GPC6: variants seen among roughly 807,000 people sequenced by gnomAD.
GPC6 encodes the protein glypican-6.
In GPC6, 14 loss-of-function variants were observed where a neutral mutation model predicts 55.2. The observed-to-expected ratio is 0.25, with a 90% CI of 0.17 to 0.40. The LOEUF (loss-of-function observed/expected upper bound fraction) is 0.40. GPC6 is among the 10% of genes least tolerant of loss of function. The pLI, the probability that GPC6 is intolerant of heterozygous loss-of-function variation, is 1.00. For synonymous variants in GPC6, 278 were observed against 259.6 expected (o/e 1.07, Z -0.68); for missense variants, 641 against 708.5 (o/e 0.90, Z 1.08).
intron 4 of GPC6, among the ~76,000 whole-genome samples, chr13:94,095,594 T>A (rs2138817867): frequency 6.6e-6 from 1 of 152,246 alleles, no homozygotes; most frequent in South Asian, 2.1e-4. Flanking sequence ...CAGCCACATT[T>A]CAAGTGATCA....
intron 6 of GPC6, among the ~76,000 whole-genome samples, chr13:94,339,908 C>T (rs1479597042): frequency 6.6e-6 from 1 of 151,830 alleles, no homozygotes; most frequent in Non-Finnish European, 1.5e-5. Flanking sequence ...GGATTACAGG[C>T]ATGCACCACC....
intron 1 of GPC6, among the ~76,000 whole-genome samples, chr13:93,265,374 C>T (rs1395889229): frequency 6.6e-6 from 1 of 152,156 alleles, no homozygotes; most frequent in Non-Finnish European, 1.5e-5. Context: ...AAACTGGAAA[C>T]AGTTTGAGTA....
At chr13:93,423,806 G>T (rs1192410307) in intron 1 of GPC6, among the ~76,000 whole-genome samples, 1 of 152,006 alleles carries the variant, frequency 6.6e-6, no homozygotes. Flanking sequence ...TAAATCAATA[G>T]AAAGTGCTTC....
At chr13:94,079,059 A>G (rs1885017937) in intron 4 of GPC6, among the ~76,000 whole-genome samples, 1 of 152,114 alleles carries the variant, frequency 6.6e-6, no homozygotes, top group South Asian at 2.1e-4. Flanking sequence ...AGAAATGACA[A>G]GAAAAATAAT....
chr13:94,338,945 G>C (rs1877873080), intron 6 of GPC6, among the ~76,000 whole-genome samples: 1 of 152,184 alleles, frequency 6.6e-6, no homozygotes, highest in Admixed American at 6.5e-5. Flanking sequence ...GTGAGGCCAT[G>C]ATCTCTGTCT....
chr13:93,326,291 C>T (rs149734546), intron 1 of GPC6, among the ~76,000 whole-genome samples: 15 of 152,198 alleles, frequency 9.9e-5, no homozygotes, highest in African/African-American at 3.6e-4. Flanking sequence ...TGTTCAATTG[C>T]AAATTCTCAT....
intron 1 of GPC6, among the ~76,000 whole-genome samples, chr13:93,404,778 A>G (rs1488060664): frequency 6.6e-6 from 1 of 152,110 alleles, no homozygotes; most frequent in African/African-American, 2.4e-5. Flanking sequence ...CATTTATTAG[A>G]TTGGTAGATT....
intron 2 of GPC6, among the ~76,000 whole-genome samples, chr13:93,720,673 G>T (rs1883423288): frequency 6.6e-6 from 1 of 151,994 alleles, no homozygotes; most frequent in South Asian, 2.1e-4. Context: ...GTCAATTTTA[G>T]ATCTTTCCCA....
intron 3 of GPC6, among the ~76,000 whole-genome samples, chr13:94,019,293 G>A (rs1420758754): frequency 1.3e-5 from 2 of 152,092 alleles, no homozygotes; most frequent in African/African-American, 2.4e-5. Flanking sequence ...TCTTGGTAGG[G>A]TGTATCTTTC....
At chr13:94,197,734 A>C (rs1889623363) in intron 4 of GPC6, among the ~76,000 whole-genome samples, 2 of 152,182 alleles carry the variant, frequency 1.3e-5, no homozygotes, top group Admixed American at 1.3e-4. Context: ...CTAAGAACAA[A>C]AGATAGTATC....
In GPC6 at chr13:94,404,543, C is replaced by T. The variant is rs1281652630; in HGVS notation, c.*1326C>T. The stretch of plus-strand genomic sequence containing the variant: ...GAGCACCAAGAATCAAGAAAGAGAA[C>T]TTTTTATGTATCTAACTGTCCATTT... On this transcript the variant is annotated 3_prime_UTR_variant, in exon 9 of 9. Coordinates refer to ENST00000377047, the MANE Select transcript of GPC6 (RefSeq NM_005708.5). 1 of 152,114 alleles carries T rather than the reference C, an allele frequency of 6.6e-6. No homozygotes were observed. The highest frequency in any genetic ancestry group is 1.5e-5 in the Non-Finnish European group (1 of 68,018). 9.4% of individuals were successfully genotyped at this position (152,114 alleles called of 1,614,324 possible).
intron 1 of GPC6, among the ~76,000 whole-genome samples, chr13:93,398,048 A>C (rs1377815844): frequency 6.6e-6 from 1 of 152,186 alleles, no homozygotes; most frequent in Non-Finnish European, 1.5e-5. Context: ...GCTCTGTGCC[A>C]GCCCCCATTT....
intron 2 of GPC6, among the ~76,000 whole-genome samples, chr13:93,729,828 A>G (rs1372982581): frequency 6.6e-6 from 1 of 152,210 alleles, no homozygotes; most frequent in Non-Finnish European, 1.5e-5. Context: ...GTGGAATACC[A>G]ACAGAAATAA....
intron 2 of GPC6, among the ~76,000 whole-genome samples, chr13:93,546,361 G>C (rs1376903336): frequency 6.6e-6 from 1 of 152,148 alleles, no homozygotes; most frequent in Non-Finnish European, 1.5e-5. Context: ...TTTATTTTCT[G>C]TGTAGTAGGT....
chr13:93,936,596 A>G (rs1013292186), intron 3 of GPC6, among the ~76,000 whole-genome samples: 1 of 152,170 alleles, frequency 6.6e-6, no homozygotes, highest in Non-Finnish European at 1.5e-5. Context: ...TACATTATGC[A>G]CCTACTCAAA....
chr13:93,628,557 G>A (rs1050862449), intron 2 of GPC6, among the ~76,000 whole-genome samples: 3 of 152,074 alleles, frequency 2.0e-5, no homozygotes, highest in East Asian at 1.9e-4. Context: ...ACTGAGATTG[G>A]GTTGTACAAT....
intron 2 of GPC6, among the ~76,000 whole-genome samples, chr13:93,725,314 G>A (rs1237093925): frequency 1.3e-5 from 2 of 151,888 alleles, no homozygotes; most frequent in Non-Finnish European, 2.9e-5. Flanking sequence ...CATGCTCTTA[G>A]TAGTCTTTGA....
At chr13:93,449,370 C>T (rs974685852) in intron 1 of GPC6, among the ~76,000 whole-genome samples, 1 of 152,128 alleles carries the variant, frequency 6.6e-6, no homozygotes, top group African/African-American at 2.4e-5. Context: ...CAGGTGGGCA[C>T]CCTGTCATGG....
At chr13:93,422,478 T>C (rs536196697) in intron 1 of GPC6, among the ~76,000 whole-genome samples, 1 of 152,352 alleles carries the variant, frequency 6.6e-6, no homozygotes, top group South Asian at 2.1e-4. Context: ...GTAGTTATTA[T>C]TGTTTGAATT....
Sources: gnomAD v4.1 joint callset for allele counts (sites outside exome capture counted in the v4.1 genomes callset) on GRCh38, gnomAD v4.1.1 for gene constraint, MANE v1.5 for transcripts, NCBI Gene and HGNC (gene_info 2026-07-23, HGNC 2026-07-21) for gene names.